DPP6: variants seen among roughly 807,000 people sequenced by gnomAD.
The protein encoded by DPP6 is dipeptidyl peptidase like 6, also known as A-type potassium channel modulatory protein DPP6.
Under a neutral mutation model 122.6 loss-of-function variants are expected in DPP6, and 69 were observed. That is an observed-to-expected ratio of 0.56 (90% CI 0.46 to 0.69). The LOEUF is 0.69. DPP6 is among the 30% of genes least tolerant of loss of function. The probability of loss-of-function intolerance (pLI) is 0.00; values close to 1 mark genes in which losing one functional copy is unlikely to be tolerated. For synonymous variants in DPP6, 418 were observed against 433.1 expected (o/e 0.97, Z 0.43); for missense variants, 928 against 1,116.9 (o/e 0.83, Z 2.41).
At chr7:153,803,956 A>G in the DPP6 span, among the ~76,000 whole-genome samples, 12 of 151,014 alleles carry the variant, frequency 7.9e-5, no homozygotes, top group African/African-American at 2.9e-4. Flanking sequence ...TGTACTCCTT[A>G]CTCCCCAAGA....
chr7:154,506,807 A>G (rs4621712), intron 3 of DPP6, among the ~76,000 whole-genome samples: 40,904 of 152,120 alleles, frequency 0.27, 5,689 homozygotes, highest in Non-Finnish European at 0.3. Flanking sequence ...GAAGCTGCTT[A>G]GTGTGATCAG....
chr7:153,849,868 C>A, the DPP6 span, among the ~76,000 whole-genome samples: 1 of 152,092 alleles, frequency 6.6e-6, no homozygotes. Flanking sequence ...CCTCCTGTAT[C>A]ATTTTAAGTG....
chr7:153,776,436 G>C, the DPP6 span, among the ~76,000 whole-genome samples: 112 of 152,258 alleles, frequency 7.4e-4, 1 homozygote, highest in African/African-American at 2.5e-3. Flanking sequence ...GTCACATGAA[G>C]AAGGACGTGT....
rs1327433164 is a variant in DPP6 at position 154,060,463 on chromosome 7, T to C, written c.243+7400T>C. On this transcript the variant is annotated intron_variant, in intron 1 of 25. Transcript: ENST00000377770. ...ACTGCGAGCCAGACCCTCTTCCCCC[T>C]CTGGCTTAGGACCTCCATCGTTGAT... 9.8e-4 allele frequency among the ~76,000 whole-genome samples: 93 copies of C among 94,882 alleles called. 6 individuals are homozygous for C. Among genetic ancestry groups the C allele is most frequent in the Admixed American group, 4.1e-3 (37 of 9,134 alleles). The allele number at this position is 94,882 out of a possible 152,430, so 62.2% of individuals were successfully genotyped here. A position where few individuals can be genotyped will look rare whatever the true frequency, so the allele number is the denominator to read the frequency against.
At chr7:153,938,041 A>G (rs1487351275) in intron 1 of DPP6, among the ~76,000 whole-genome samples, 1 of 152,290 alleles carries the variant, frequency 6.6e-6, no homozygotes, top group Admixed American at 6.5e-5. Context: ...AGACAGGGGC[A>G]AGAAGCTCCT....
At chr7:153,847,009 T>C in the DPP6 span, among the ~76,000 whole-genome samples, 1 of 152,210 alleles carries the variant, frequency 6.6e-6, no homozygotes, top group African/African-American at 2.4e-5. Flanking sequence ...AAAATATTTT[T>C]TCCTCTCTAT....
At chr7:154,043,216 C>T (rs537775056) in intron 1 of DPP6, among the ~76,000 whole-genome samples, 53 of 151,838 alleles carry the variant, frequency 3.5e-4, no homozygotes, top group Middle Eastern at 3.4e-3. Context: ...CGTGAAACCC[C>T]GTCTCTACCC....
At chr7:153,772,821 C>G in the DPP6 span, among the ~76,000 whole-genome samples, 1 of 147,160 alleles carries the variant, frequency 6.8e-6, no homozygotes, top group Non-Finnish European at 1.5e-5. Flanking sequence ...ATATACAAGA[C>G]TTTTGCCTCT....
chr7:154,147,115 T>C (rs1172700112), intron 1 of DPP6, among the ~76,000 whole-genome samples: 1 of 152,206 alleles, frequency 6.6e-6, no homozygotes, highest in African/African-American at 2.4e-5. Flanking sequence ...GGCCAGAACA[T>C]TGTACTCTGC....
chr7:154,518,259 A>G (rs1826692471), intron 3 of DPP6, among the ~76,000 whole-genome samples: 1 of 152,200 alleles, frequency 6.6e-6, no homozygotes, highest in Admixed American at 6.5e-5. Context: ...CTTAAATTAG[A>G]ACCTTTGTCG....
chr7:154,884,454 TACAC>T (rs1029337124), intron 21 of DPP6: 2 of 81,274 alleles, frequency 2.5e-5, no homozygotes, highest in Non-Finnish European at 5.0e-5. Flanking sequence ...CATGCTCACA[TACAC>T]ACGAGTACAT....
intron 1 of DPP6, among the ~76,000 whole-genome samples, chr7:154,408,723 C>A (rs1368499892): frequency 6.6e-6 from 1 of 151,624 alleles, no homozygotes; most frequent in Non-Finnish European, 1.5e-5. Context: ...CGTGTCCTAT[C>A]TTTCCAGTCT....
chr7:154,848,919 T>C lies in DPP6; in HGVS notation c.1667-4861T>C, dbSNP rs529984243. Among the ~76,000 whole-genome samples, 309 of 152,348 alleles carry C rather than the reference T, an allele frequency of 2.0e-3. 2 individuals carry two copies. The highest frequency in any genetic ancestry group is 3.3e-3 in the Non-Finnish European group (223 of 68,030). ...CCAACACCACTTATTGAAGAGACTG[T>C]CCTTTCCCCAGTGTGTGTCCTTGGC... On this transcript the variant is annotated intron_variant, in intron 16 of 25. Coordinates refer to ENST00000377770, the MANE Select transcript of DPP6 (RefSeq NM_130797.4).
intron 1 of DPP6, among the ~76,000 whole-genome samples, chr7:153,931,823 G>T (rs1412650827): frequency 6.6e-6 from 1 of 152,206 alleles, no homozygotes; most frequent in Non-Finnish European, 1.5e-5. Context: ...AAATCAAAGT[G>T]CCACACATCC....
chr7:153,812,159 T>C, the DPP6 span, among the ~76,000 whole-genome samples: 1 of 152,144 alleles, frequency 6.6e-6, no homozygotes, highest in African/African-American at 2.4e-5. Context: ...GCAACGGTGA[T>C]ATTGCTTCTA....
At chr7:154,687,568 G>T (rs944680170) in intron 7 of DPP6, among the ~76,000 whole-genome samples, 8 of 151,808 alleles carry the variant, frequency 5.3e-5, no homozygotes, top group African/African-American at 1.9e-4. Flanking sequence ...TTATTGATGC[G>T]CATCATTTCT....
Position 154,447,554 on chromosome 7 carries a change from C to T in DPP6, c.358+1226C>T, listed in dbSNP as rs565254282. On this transcript the variant is annotated intron_variant, in intron 2 of 25. Coordinates refer to ENST00000377770, the MANE Select transcript of DPP6 (RefSeq NM_130797.4). ...GGGCAAATTATAATCCAGGCTTAAA[C>T]TATTACCCCAAAATCTAAATGAGAA... is the stretch of plus-strand genomic sequence containing the variant. Among the ~76,000 whole-genome samples, 19 of 152,170 alleles carry T rather than the reference C, an allele frequency of 1.2e-4. No individual in the cohort carries two copies. In the South Asian group the frequency reaches 4.0e-3, roughly 32 times the overall value.
Position 154,591,592 on chromosome 7 carries a change from G to A in DPP6, c.627+24676G>A, listed in dbSNP as rs143505789. ...CTGGAAGGAGACAGGAACAGGGGGC[G>A]TGCAGTTCCTCAGATCCATGGGTCC... is the stretch of plus-strand genomic sequence containing the variant. On this transcript the variant is annotated intron_variant, in intron 5 of 25. Coordinates refer to ENST00000377770, the MANE Select transcript of DPP6 (RefSeq NM_130797.4). Among the ~76,000 whole-genome samples, 19 of 152,270 alleles carry A rather than the reference G, an allele frequency of 1.2e-4. No individual in the cohort carries two copies. The East Asian group carries it at 2.3e-3, about 19-fold the overall frequency.
At chr7:154,377,839 C>T (rs1813261101) in intron 1 of DPP6, among the ~76,000 whole-genome samples, 1 of 152,138 alleles carries the variant, frequency 6.6e-6, no homozygotes, top group Non-Finnish European at 1.5e-5. Flanking sequence ...TTCAATATAG[C>T]TTCTAAAACA....
Sources: allele counts gnomAD v4.1 joint callset (sites outside exome capture counted in the v4.1 genomes callset), GRCh38; gene constraint gnomAD v4.1.1; transcripts MANE v1.5; gene names NCBI Gene and HGNC (gene_info 2026-07-23, HGNC 2026-07-21).